The following RECQL5 variants were observed in gnomAD, a reference collection of about 807,000 sequenced individuals.
RECQL5 encodes RecQ like helicase 5, also known as ATP-dependent DNA helicase Q5.
Under a neutral mutation model 103.4 loss-of-function variants are expected in RECQL5, and 88 were observed. The ratio of observed to expected loss-of-function variants is 0.85; its 90% CI spans 0.72 to 1.02. The LOEUF (loss-of-function observed/expected upper bound fraction) is 1.02, where lower values mean the gene tolerates loss of function less well. RECQL5 is among the 50% of genes least tolerant of loss of function. The pLI is 0.00. For missense variants in RECQL5, 1,232 were observed against 1,284.3 expected (o/e 0.96, Z 0.62); for synonymous variants, 552 against 507.9 (o/e 1.09, Z -1.17).
Position 75,662,479 on chromosome 17 carries a change from C to A in RECQL5, c.771G>T (p.Gly257=). The A allele has an allele frequency of 6.2e-7, 1 of 1,612,344 alleles. No individual in the cohort carries two copies. Among genetic ancestry groups the A allele is most frequent in the South Asian group, 1.1e-5 (1 of 90,842 alleles). Residue 257 remains glycine, a splice_region_variant and synonymous_variant, in exon 4 of 20, where the codon GGG becomes GGT. Coordinates refer to ENST00000317905, the MANE Select transcript of RECQL5 (RefSeq NM_004259.7). ...LKALGQEADK[G]LSGCGIVYCR... ...CTTGGCCTCCACCTCAATGCCTCAC[C>A]CCTTTATCAGCCTCCTGTCCAAGAG...
intron 8 of RECQL5, chr17:75,647,382 C>A: frequency 6.5e-7 from 1 of 1,548,482 alleles, no homozygotes. Flanking sequence ...TTCTCATGGA[C>A]CAACTGGTAT....
chr17:75,627,551 G>A (rs1208152688), intron 19 of RECQL5, 29 bp from the exon 20 acceptor site: 1 of 1,612,604 alleles, frequency 6.2e-7, no homozygotes, highest in African/African-American at 1.3e-5. Flanking sequence ...GGCATGAGGA[G>A]GTGAGCGTTA....
chr17:75,666,350 G>A (rs1178053303), intron 2 of RECQL5, 78 bp downstream of exon 2: 1 of 1,516,414 alleles, frequency 6.6e-7, no homozygotes, highest in Non-Finnish European at 9.1e-7. Flanking sequence ...AGTACGAAGG[G>A]TGAGGAGGAG....
chr17:75,637,712 T>C (rs893648590), intron 8 of RECQL5: 2 of 152,296 alleles, frequency 1.3e-5, no homozygotes, highest in Admixed American at 6.5e-5. Context: ...GATCCACAAA[T>C]GTGGGCTGGG....
At chr17:75,661,237 A>G (rs2059694930) in intron 5 of RECQL5, among the ~76,000 whole-genome samples, 171 bp from the exon 6 acceptor site, 1 of 152,212 alleles carries the variant, frequency 6.6e-6, no homozygotes, top group African/African-American at 2.4e-5. Flanking sequence ...CTCAGCTGAC[A>G]GGCACAAAGA....
At chr17:75,649,955 T>C in intron 8 of RECQL5, 5 of 985,536 alleles carry the variant, frequency 5.1e-6, no homozygotes, top group Non-Finnish European at 6.0e-6. Flanking sequence ...ACCTGTTCCC[T>C]TGCCTGGCAG....
In RECQL5 at chr17:75,630,627, G is replaced by A. The variant is rs376083388; in HGVS notation, c.1710C>T (p.Thr570=). The part of the protein sequence containing the change: ...ALSSNRQSTR[T]ADEADLRAKA... ...GTGATCGTGGAACTCACTCATCAGC[G>A]GTACGTGTTGACTGGCGGTTGCTGC... Residue 570 remains threonine (T), a synonymous_variant, in exon 13 of 20, where the codon ACC becomes ACT. Coordinates refer to ENST00000317905, the MANE Select transcript of RECQL5 (RefSeq NM_004259.7). The A allele has an allele frequency of 6.8e-6, 11 of 1,613,478 alleles. No individual in the cohort carries two copies. The highest frequency in any genetic ancestry group is 9.3e-6 in the Non-Finnish European group (11 of 1,179,784).
At chr17:75,666,664 G>A in intron 1 of RECQL5, 93 bp from the exon 2 acceptor site, 2 of 1,232,994 alleles carry the variant, frequency 1.6e-6, no homozygotes, top group Non-Finnish European at 2.3e-6. Flanking sequence ...GTAACAATTT[G>A]CTATATTACA....
intron 6 of RECQL5, 109 bp from the exon 7 acceptor site, chr17:75,658,569 A>C: frequency 4.1e-6 from 4 of 986,326 alleles, no homozygotes; most frequent in Non-Finnish European, 6.1e-6. Context: ...AGGGAGGGAG[A>C]GGGATAGTCC....
At chr17:75,664,912 CAAAAAAAAAA>C in intron 3 of RECQL5, 129 bp downstream of exon 3, 1 of 924,328 alleles carries the variant, frequency 1.1e-6, no homozygotes, top group Non-Finnish European at 1.4e-6. Context: ...GACTCTGTCT[CAAAAAAAAAA>C]AAAAAAAAGG....
Position 75,662,467 on chromosome 17 carries a change from T to A in RECQL5, c.771+12A>T, listed in dbSNP as rs1370094100. ...CTCTAACAGCTGCTTGGCCTCCACC[T>A]CAATGCCTCACCCCTTTATCAGCCT... On this transcript the variant is annotated intron_variant, in intron 4 of 19. Transcript: ENST00000317905. 1 of 1,609,622 alleles carries A rather than the reference T, an allele frequency of 6.2e-7. No individual in the cohort carries two copies. Among genetic ancestry groups the A allele is most frequent in the South Asian group, 1.1e-5 (1 of 90,590 alleles).
rs201206387 is a variant in RECQL5 at position 75,631,616 on chromosome 17, C to T, written c.1282G>A (p.Ala428Thr). The T allele has an allele frequency of 3.4e-5, 55 of 1,612,502 alleles. No individual in the cohort carries two copies. The East Asian group carries it at 6.0e-4, about 18-fold the overall frequency. ...TTCTGGCAGTGGTCGCAGCCTTTGG[C>T]GCAGGCAGGCAGCGCATCCCCGAAG... ...KYFGDALPAC[A>T]KGCDHCQNPT... The change falls in exon 9 of 20, where the codon GCC becomes ACC. Residue 428 changes from alanine to threonine, a missense_variant. Ala to Thr is a moderately conservative substitution (Grantham distance 58). Coordinates refer to ENST00000317905, the MANE Select transcript of RECQL5 (RefSeq NM_004259.7).
chr17:75,628,352 C>G lies in RECQL5; in HGVS notation c.2671G>C (p.Glu891Gln), dbSNP rs758403193. The G allele has an allele frequency of 1.2e-5, 19 of 1,614,018 alleles. No individual in the cohort carries two copies. The highest frequency in any genetic ancestry group is 1.6e-5 in the Non-Finnish European group (19 of 1,180,026). ...AEVKGSVSAS[E>Q]QGTLNPTAQD... ...GCCGTGGGATTCAAGGTGCCCTGTT[C>G]GCTGGCCGAGACGCTGCCCTTGACC... Residue 891 changes from glutamate (E) to glutamine (Q), a missense_variant, in exon 18 of 20, where the codon GAA becomes CAA. Physicochemically the swap from Glu to Gln is conservative, Grantham distance 29. Coordinates refer to ENST00000317905, the MANE Select transcript of RECQL5 (RefSeq NM_004259.7).
intron 4 of RECQL5, 134 bp downstream of exon 4, chr17:75,662,345 T>G: frequency 1.0e-6 from 1 of 1,003,400 alleles, no homozygotes; most frequent in Non-Finnish European, 1.5e-6. Context: ...AAGAGACAAC[T>G]CTTTTTGTGC....
Position 75,630,165 on chromosome 17 carries a change from C to T in RECQL5, c.1812+19G>A. 1 of 1,528,954 alleles carries T rather than the reference C, an allele frequency of 6.5e-7. No homozygotes were observed. Among genetic ancestry groups the T allele is most frequent in the Non-Finnish European group, 8.8e-7 (1 of 1,135,762 alleles). The allele number at this position is 1,528,954 out of a possible 1,614,324, so 94.7% of individuals were successfully genotyped here. A position where few individuals can be genotyped will look rare whatever the true frequency, so the allele number is the denominator to read the frequency against. On this transcript the variant is annotated intron_variant, in intron 14 of 19. Transcript: ENST00000317905. ...AGGGGCCCCTGCAACGACCCTGGGT[C>T]CGCCTGCACCAGGCCCACCTTCTTC... is the stretch of plus-strand genomic sequence containing the variant.
At position 75,627,490 on chromosome 17, in the gene RECQL5, A is replaced by G. The variant is rs776909963; in HGVS notation, c.2908T>C (p.Phe970Leu). 4.3e-6 allele frequency: 7 copies of G among 1,613,814 alleles called. No homozygotes were observed. The part of the protein sequence containing the change: ...KEEAQNLIRH[F>L]FHGRARCESE... ...TCGCACCGGGCCCGGCCATGGAAGA[A>G]GTGCCTGATGAGGTTCTGGGCCTCT... is the stretch of plus-strand genomic sequence containing the variant. Residue 970 changes from phenylalanine to leucine, a missense_variant, in exon 20 of 20, where the codon TTC (phenylalanine) becomes CTC (leucine). Physicochemically the swap from Phe to Leu is conservative, Grantham distance 22. Transcript: ENST00000317905.
chr17:75,628,611 C>T, intron 17 of RECQL5, 61 bp downstream of exon 17: 1 of 1,525,278 alleles, frequency 6.6e-7, no homozygotes, highest in South Asian at 1.3e-5. Flanking sequence ...CAGGGCACAA[C>T]AGCTCCTGGC....
At chr17:75,647,423 G>T in intron 8 of RECQL5, 1 of 1,550,026 alleles carries the variant, frequency 6.5e-7, no homozygotes, top group Admixed American at 2.0e-5. Flanking sequence ...GATGCGTTCT[G>T]GCAGAACCCC....
chr17:75,658,548 G>T, intron 6 of RECQL5, 88 bp from the exon 7 acceptor site: 1 of 1,282,252 alleles, frequency 7.8e-7, no homozygotes, highest in Non-Finnish European at 1.1e-6. Context: ...AGAGCAGGGA[G>T]GCCAGCAGAT....
Sources: gnomAD v4.1 joint callset for allele counts (sites outside exome capture counted in the v4.1 genomes callset) on GRCh38, gnomAD v4.1.1 for gene constraint, MANE v1.5 for transcripts, NCBI Gene and HGNC (gene_info 2026-07-23, HGNC 2026-07-21) for gene names.